The following SEMA4D variants were observed in gnomAD, a reference collection of about 807,000 sequenced individuals.
The protein encoded by SEMA4D is semaphorin 4D, also known as semaphorin-4D.
A neutral mutation model predicts 74.8 loss-of-function variants in SEMA4D; 22 were observed. The ratio of observed to expected loss-of-function variants is 0.29; its 90% CI spans 0.21 to 0.42. The LOEUF is 0.42. Among genes scored for constraint, SEMA4D ranks in the 10% least tolerant of loss-of-function variants. The pLI, the probability that SEMA4D is intolerant of heterozygous loss-of-function variation, is 1.00. For synonymous variants in SEMA4D, 445 were observed against 463.7 expected (o/e 0.96, Z 0.52); for missense variants, 937 against 1,118.4 (o/e 0.84, Z 2.31).
intron 2 of SEMA4D, among the ~76,000 whole-genome samples, chr9:89,414,433 T>TC (rs1322892402): frequency 1.3e-5 from 2 of 152,070 alleles, no homozygotes; most frequent in African/African-American, 4.8e-5. Flanking sequence ...ACATCTTCCC[T>TC]CCCAGCTGGA....
In SEMA4D at chr9:89,402,956, C is replaced by T; in HGVS notation, c.167G>A (p.Ser56Asn). Residue 56 changes from serine to asparagine, a missense_variant, in exon 4 of 16, where the codon AGC becomes AAC. Transcript: ENST00000422704. ...TATGTACAAGGTGTCCTTGTCCTCGCTCAGCAGCAAGGCTGAGTAGTTGTA... is the reference window on the plus strand; with the variant it reads ...TATGTACAAGGTGTCCTTGTCCTCGTTCAGCAGCAAGGCTGAGTAGTTGTA... Reference protein sequence around the residue: ...DIYNYSALLLSEDKDTLYIGA... With the variant: ...DIYNYSALLLNEDKDTLYIGA... 1 of 1,614,038 alleles carries T rather than the reference C, an allele frequency of 6.2e-7. No homozygotes were observed. The highest frequency in any genetic ancestry group is 8.5e-7 in the Non-Finnish European group (1 of 1,179,854).
chr9:89,466,116 G>A (rs574242845), intron 1 of SEMA4D, among the ~76,000 whole-genome samples: 42 of 152,230 alleles, frequency 2.8e-4, no homozygotes, highest in South Asian at 1.9e-3. Flanking sequence ...CAGGGTGCAC[G>A]CCAGGCAGTT....
At chr9:89,374,776 G>T (rs373993736), downstream of SEMA4D, among the ~76,000 whole-genome samples, 1 of 152,186 alleles carries the variant, frequency 6.6e-6, no homozygotes, top group South Asian at 2.1e-4. Context: ...ACAGCAGCCG[G>T]GCATGGTGGC....
chr9:89,389,462 G>A (rs1013858724), intron 9 of SEMA4D, among the ~76,000 whole-genome samples: 1 of 152,126 alleles, frequency 6.6e-6, no homozygotes, highest in East Asian at 1.9e-4. Flanking sequence ...GGCAAGTGGC[G>A]GCAGCCTCCT....
chr9:89,457,850 G>T (rs948028292), intron 1 of SEMA4D, among the ~76,000 whole-genome samples: 1 of 151,482 alleles, frequency 6.6e-6, no homozygotes, highest in African/African-American at 2.4e-5. Context: ...TAGCTAACAC[G>T]GTGAAACCCC....
Position 89,388,961 on chromosome 9 carries a change from G to A in SEMA4D, c.861C>T (p.Gly287=), listed in dbSNP as rs763549421. ...ARLICSRPDS[G]LVFNVLRDVF... ...CATCCCGCAGCACATTGAAGACCAA[G>A]CCGCTGTCTGGCCGGGAGCAGATGA... The change falls in exon 10 of 16, where the codon GGC becomes GGT. Residue 287 remains glycine, a synonymous_variant. Transcript: ENST00000422704. The A allele has an allele frequency of 1.2e-5, 20 of 1,614,010 alleles. No individual in the cohort carries two copies. The highest frequency in any genetic ancestry group is 2.2e-5 in the East Asian group (1 of 44,892).
chr9:89,364,722 C>G lies in SEMA4D; in HGVS notation c.1883-772G>C, dbSNP rs575419952. 101 of 152,832 alleles carry G rather than the reference C, an allele frequency of 6.6e-4. No individual in the cohort carries two copies. In the South Asian group the frequency reaches 0.012, roughly 18 times the overall value. 9.5% of individuals were successfully genotyped at this position (152,832 alleles called of 1,614,324 possible). ...TCACACACACTCAGACCATCTGTTG[C>G]AACCTGCCAGGGTGGAGCCTGGCTG... On this transcript the variant is annotated intron_variant, in intron 16 of 18. Coordinates refer to the SEMA4D transcript ENST00000339861.
At chr9:89,395,701 C>T (rs1840812881) in intron 6 of SEMA4D, among the ~76,000 whole-genome samples, 2 of 152,134 alleles carry the variant, frequency 1.3e-5, no homozygotes, top group Admixed American at 1.3e-4. Context: ...TCGTTGCCAG[C>T]ATCTGTGGTA....
chr9:89,473,113 C>T (rs1860822315), intron 1 of SEMA4D, among the ~76,000 whole-genome samples: 1 of 152,086 alleles, frequency 6.6e-6, no homozygotes, highest in African/African-American at 2.4e-5. Context: ...GGAAAGGAAG[C>T]GCTCATTCAA....
rs546728673 is a variant in SEMA4D at position 89,407,798 on chromosome 9, A to C, written c.-243-2099T>G. Among the ~76,000 whole-genome samples, 7 of 152,308 alleles carry C rather than the reference A, an allele frequency of 4.6e-5. No individual in the cohort carries two copies. In the East Asian group the frequency reaches 1.4e-3, roughly 29 times the overall value. ...AACACACAGGGCTCGGCCCCTCTGC[A>C]TGGCTGTGTAACGGCTGTCTCTCCT... On this transcript the variant is annotated intron_variant, in intron 2 of 15. Coordinates refer to ENST00000422704, the MANE Select transcript of SEMA4D (RefSeq NM_001371194.2).
chr9:89,383,695 C>T (rs1226453417), intron 13 of SEMA4D, among the ~76,000 whole-genome samples: 1 of 152,158 alleles, frequency 6.6e-6, no homozygotes, highest in African/African-American at 2.4e-5. Flanking sequence ...ACATGTGGAG[C>T]TAGGTGGGGG....
chr9:89,465,319 G>A (rs1858401329), intron 1 of SEMA4D, among the ~76,000 whole-genome samples: 1 of 152,212 alleles, frequency 6.6e-6, no homozygotes, highest in Non-Finnish European at 1.5e-5. Flanking sequence ...CAGCCCAGGG[G>A]TGATGGCTGC....
At chr9:89,396,160 G>A (rs1450541129) in intron 6 of SEMA4D, among the ~76,000 whole-genome samples, 2 of 152,142 alleles carry the variant, frequency 1.3e-5, no homozygotes, top group African/African-American at 4.8e-5. Flanking sequence ...TTGACCTGCT[G>A]CCCCTGAGTG....
intron 1 of SEMA4D, among the ~76,000 whole-genome samples, chr9:89,462,247 A>G (rs1857431372): frequency 6.6e-6 from 1 of 152,166 alleles, no homozygotes; most frequent in South Asian, 2.1e-4. Context: ...TTGAAACTTG[A>G]TTTCTCACAG....
intron 13 of SEMA4D, chr9:89,385,868 C>CCCCCCCCCCCCCCCCCCA: frequency 7.1e-6 from 1 of 141,716 alleles, no homozygotes; most frequent in Non-Finnish European, 1.5e-5. Context: ...GCGTGGATGC[C>CCCCCCCCCCCCCCCCCCA]CGCCCACCCA....
At chr9:89,424,207 A>G (rs551815533) in intron 2 of SEMA4D, among the ~76,000 whole-genome samples, 1 of 152,276 alleles carries the variant, frequency 6.6e-6, no homozygotes, top group South Asian at 2.1e-4. Context: ...CAGAGATGAG[A>G]CTGCACAAAT....
intron 13 of SEMA4D, chr9:89,385,522 C>T: frequency 1.1e-5 from 11 of 985,334 alleles, no homozygotes; most frequent in Non-Finnish European, 1.3e-5. Context: ...GATGCCAGTA[C>T]CCAGTGGCTT....
rs1835982125 is a variant in SEMA4D, at chr9:89,377,468, T to C, written c.*1236A>G. 6.4e-6 allele frequency: 1 copy of C among 156,864 alleles called. No individual in the cohort carries two copies. Among genetic ancestry groups the C allele is most frequent in the African/African-American group, 2.4e-5 (1 of 41,490 alleles). The allele number at this position is 156,864 out of a possible 1,614,324, so 9.7% of individuals were successfully genotyped here. A position where few individuals can be genotyped will look rare whatever the true frequency, so the allele number is the denominator to read the frequency against. On this transcript the variant is annotated 3_prime_UTR_variant, in exon 16 of 16. Transcript: ENST00000422704. ...GATGGGTATTTACAAAGCGGGGAGA[T>C]GGAGTGTGAAATTAACCAGTGTTGA... is the stretch of plus-strand genomic sequence containing the variant.
chr9:89,371,543 TGTTTGG>T (rs1346195381), intron 16 of SEMA4D, among the ~76,000 whole-genome samples: 5 of 7,054 alleles, frequency 7.1e-4, no homozygotes, highest in Admixed American at 2.9e-3. Context: ...TGTGGGGGTG[TGTTTGG>T]GGTGTGGTGT....
Sources: allele counts gnomAD v4.1 joint callset (sites outside exome capture counted in the v4.1 genomes callset), GRCh38; gene constraint gnomAD v4.1.1; transcripts MANE v1.5; gene names NCBI Gene and HGNC (gene_info 2026-07-23, HGNC 2026-07-21).